Variants in PLPP4 observed in about 807,000 individuals in gnomAD.
The protein encoded by PLPP4 is phospholipid phosphatase 4, also known as diacylglycerol pyrophosphate like 2.
PLPP4 carries 20 observed loss-of-function variants against 32.2 expected under a neutral mutation model. That is an observed-to-expected ratio of 0.62 (90% CI 0.44 to 0.90). The LOEUF (loss-of-function observed/expected upper bound fraction) is 0.90. PLPP4 is among the 40% of genes least tolerant of loss of function. The probability of loss-of-function intolerance (pLI) is 0.00; values close to 1 mark genes in which losing one functional copy is unlikely to be tolerated. For missense variants in PLPP4, 257 were observed against 353.1 expected (o/e 0.73, Z 2.18); for synonymous variants, 127 against 133.0 (o/e 0.95, Z 0.31).
At chr10:120,474,309 A>G (rs1225315694) in intron 1 of PLPP4, among the ~76,000 whole-genome samples, 2 of 151,914 alleles carry the variant, frequency 1.3e-5, no homozygotes, top group African/African-American at 2.4e-5. Context: ...TACTTTTACC[A>G]TGACTATTTT....
chr10:120,540,638 C>T (rs1229659824), intron 5 of PLPP4, among the ~76,000 whole-genome samples: 1 of 152,168 alleles, frequency 6.6e-6, no homozygotes, highest in East Asian at 1.9e-4. Context: ...ACCCTTGGGC[C>T]CTGCACATCC....
intron 1 of PLPP4, among the ~76,000 whole-genome samples, chr10:120,463,272 C>T (rs558693819): frequency 1.3e-5 from 2 of 152,096 alleles, no homozygotes; most frequent in Non-Finnish European, 2.9e-5. Context: ...GTGATCTGCC[C>T]ACCTTGGCCT....
At chr10:120,536,242 A>G (rs1847011447) in intron 5 of PLPP4, among the ~76,000 whole-genome samples, 1 of 152,106 alleles carries the variant, frequency 6.6e-6, no homozygotes, top group South Asian at 2.1e-4. Flanking sequence ...AGGTAAATCA[A>G]TCTTGAGCAA....
At chr10:120,547,291 A>G in intron 5 of PLPP4, among the ~76,000 whole-genome samples, 1 of 152,114 alleles carries the variant, frequency 6.6e-6, no homozygotes, top group Admixed American at 6.5e-5. Context: ...TAGAAATTAG[A>G]GGGCAAATCA....
intron 5 of PLPP4, among the ~76,000 whole-genome samples, chr10:120,550,597 T>G (rs932081930): frequency 1.3e-5 from 2 of 151,696 alleles, no homozygotes; most frequent in African/African-American, 4.8e-5. Flanking sequence ...TAAAACAGAA[T>G]AGAGTCAAGA....
intron 1 of PLPP4, among the ~76,000 whole-genome samples, chr10:120,488,546 A>G (rs1441383133): frequency 6.6e-6 from 1 of 152,220 alleles, no homozygotes; most frequent in Non-Finnish European, 1.5e-5. Context: ...ATGGATTTCC[A>G]TTTTACCAAC....
intron 1 of PLPP4, among the ~76,000 whole-genome samples, chr10:120,499,974 G>C (rs1004395213): frequency 1.3e-5 from 2 of 152,120 alleles, no homozygotes; most frequent in Admixed American, 6.6e-5. Flanking sequence ...TCCCTGTTAA[G>C]ATCCTTAAGC....
intron 1 of PLPP4, among the ~76,000 whole-genome samples, chr10:120,480,016 G>T (rs970606158): frequency 5.3e-5 from 8 of 152,240 alleles, no homozygotes; most frequent in Non-Finnish European, 1.5e-5. Context: ...GCCTTGAAAG[G>T]AGATAGTCAC....
intron 2 of PLPP4, among the ~76,000 whole-genome samples, chr10:120,505,928 AAC>A (rs1301202070): frequency 2.2e-4 from 33 of 152,228 alleles, no homozygotes; most frequent in Admixed American, 2.2e-3. Flanking sequence ...GTGTTGTAAA[AAC>A]ACAATTTGGA....
At chr10:120,520,927 A>G in intron 4 of PLPP4, 44 bp from the exon 5 acceptor site, 2 of 1,610,812 alleles carry the variant, frequency 1.2e-6, no homozygotes, top group Non-Finnish European at 1.7e-6. Flanking sequence ...GTCATTTGTG[A>G]TGGCAGCATT....
chr10:120,537,863 T>TA (rs1847101825), intron 5 of PLPP4, among the ~76,000 whole-genome samples: 1 of 151,744 alleles, frequency 6.6e-6, no homozygotes, highest in East Asian at 1.9e-4. Flanking sequence ...AAGATCTAAA[T>TA]ACCATGAGCG....
chr10:120,463,003 A>G lies in PLPP4; in HGVS notation c.56+5642A>G, dbSNP rs534101392. Among the ~76,000 whole-genome samples, 489 of 147,548 alleles carry G rather than the reference A, an allele frequency of 3.3e-3. 3 individuals carry two copies. Among genetic ancestry groups the G allele is most frequent in the African/African-American group, 0.012 (463 of 40,114 alleles). ...TTCAGAATCATTCTGCTTGCTCTCTAGAAACAAGTTTCTTTCTTTTTTTTT... is the reference window on the plus strand; with the variant it reads ...TTCAGAATCATTCTGCTTGCTCTCTGGAAACAAGTTTCTTTCTTTTTTTTT... On this transcript the variant is annotated intron_variant, in intron 1 of 6. Coordinates refer to ENST00000398250, the MANE Select transcript of PLPP4 (RefSeq NM_001030059.3).
At chr10:120,503,694 C>T in intron 1 of PLPP4, 124 bp from the exon 2 acceptor site, 2 of 1,588,968 alleles carry the variant, frequency 1.3e-6, no homozygotes, top group East Asian at 2.3e-5. Flanking sequence ...CAGGGCCTGT[C>T]TCTTTCCCCT....
In PLPP4 at chr10:120,582,773, TCCTCCCTCCCTC is replaced by T. The variant is rs1197574182; in HGVS notation, c.617-6510_617-6499del. On this transcript the variant is annotated intron_variant, in intron 6 of 6. Transcript: ENST00000398250. Reference sequence around the variant, plus strand: ...ATATTCCCTCCCTCCCTCCCTCCCTTCCTCCCTCCCTCCCTCCCTCCCTCCCTCCCTTCCTTC... The same window carrying T: ...ATATTCCCTCCCTCCCTCCCTCCCTTCCTCCCTCCCTCCCTCCCTTCCTTC... Among the ~76,000 whole-genome samples, 345 of 48,390 alleles carry T rather than the reference TCCTCCCTCCCTC, an allele frequency of 7.1e-3. 1 individual carries two copies. Among genetic ancestry groups the T allele is most frequent in the East Asian group, 0.013 (14 of 1,114 alleles). 31.7% of individuals were successfully genotyped at this position (48,390 alleles called of 152,430 possible).
At chr10:120,504,989 A>G (rs746413072) in intron 2 of PLPP4, among the ~76,000 whole-genome samples, 9 of 152,222 alleles carry the variant, frequency 5.9e-5, no homozygotes, top group Non-Finnish European at 1.2e-4. Context: ...CCCACCCTCA[A>G]TGCCACATGG....
chr10:120,544,099 C>G (rs375136207), intron 5 of PLPP4, among the ~76,000 whole-genome samples: 1 of 152,278 alleles, frequency 6.6e-6, no homozygotes, highest in East Asian at 1.9e-4. Context: ...CCTCTTTGAG[C>G]CTCTGATTTC....
At chr10:120,544,940 A>G (rs1360305748) in intron 5 of PLPP4, among the ~76,000 whole-genome samples, 12 of 152,226 alleles carry the variant, frequency 7.9e-5, no homozygotes, top group Non-Finnish European at 2.9e-5. Flanking sequence ...TGCCAGAAGA[A>G]GAGAAGGGTC....
At chr10:120,476,359 A>G (rs142125858) in intron 1 of PLPP4, among the ~76,000 whole-genome samples, 83 of 152,222 alleles carry the variant, frequency 5.5e-4, no homozygotes, top group African/African-American at 1.9e-3. Context: ...TTTATGCTGT[A>G]TGTGCAATTA....
At chr10:120,579,399 G>A (rs559926152) in intron 6 of PLPP4, among the ~76,000 whole-genome samples, 27 of 152,228 alleles carry the variant, frequency 1.8e-4, no homozygotes, top group African/African-American at 4.6e-4. Context: ...TTGTCTAACC[G>A]GGCTGAAGTT....
Sources: gnomAD v4.1 joint callset for allele counts (sites outside exome capture counted in the v4.1 genomes callset) on GRCh38, gnomAD v4.1.1 for gene constraint, MANE v1.5 for transcripts, NCBI Gene and HGNC (gene_info 2026-07-23, HGNC 2026-07-21) for gene names.